Variants in HDAC9 observed in about 807,000 individuals in gnomAD.
HDAC9 encodes the protein histone deacetylase 9.
A neutral mutation model predicts 139.4 loss-of-function variants in HDAC9; 41 were observed. That is an observed-to-expected ratio of 0.29 (90% CI 0.23 to 0.38). The LOEUF (loss-of-function observed/expected upper bound fraction) is 0.38, where lower values mean the gene tolerates loss of function less well. Among genes scored for constraint, HDAC9 ranks in the 10% least tolerant of loss-of-function variants. The probability of loss-of-function intolerance (pLI) is 1.00; values close to 1 mark genes in which losing one functional copy is unlikely to be tolerated. For missense variants in HDAC9, 1,147 were observed against 1,297.0 expected (o/e 0.88, Z 1.78); for synonymous variants, 517 against 476.2 (o/e 1.09, Z -1.12).
At chr7:18,436,426 A>G (rs1382610237) in intron 1 of HDAC9, among the ~76,000 whole-genome samples, 2 of 152,166 alleles carry the variant, frequency 1.3e-5, no homozygotes, top group African/African-American at 4.8e-5. Flanking sequence ...AGATTTCCCA[A>G]TTTCATTCAG....
intron 1 of HDAC9, among the ~76,000 whole-genome samples, chr7:18,097,890 C>T (rs1782610586): frequency 6.6e-6 from 1 of 152,190 alleles, no homozygotes; most frequent in Admixed American, 6.5e-5. Flanking sequence ...ATACCACCAT[C>T]ATCATTTTCA....
chr7:18,366,162 T>C (rs1381009476), intron 1 of HDAC9, among the ~76,000 whole-genome samples: 1 of 152,062 alleles, frequency 6.6e-6, no homozygotes, highest in Non-Finnish European at 1.5e-5. Context: ...ATGTATTATA[T>C]AGAGATAAGG....
chr7:18,811,177 T>C (rs568524675), intron 17 of HDAC9, among the ~76,000 whole-genome samples: 8 of 152,006 alleles, frequency 5.3e-5, no homozygotes, highest in African/African-American at 1.7e-4. Flanking sequence ...GGTTTATCAA[T>C]TTTATTGATC....
chr7:18,200,813 T>C (rs1326750178), intron 2 of HDAC9, among the ~76,000 whole-genome samples: 1 of 152,202 alleles, frequency 6.6e-6, no homozygotes, highest in African/African-American at 2.4e-5. Context: ...TTTTCCCTCC[T>C]CAGCAGTTTC....
At chr7:18,821,013 G>A (rs1794925713) in intron 17 of HDAC9, among the ~76,000 whole-genome samples, 2 of 152,164 alleles carry the variant, frequency 1.3e-5, no homozygotes, top group African/African-American at 2.4e-5. Flanking sequence ...CAAGATCAAG[G>A]TGCCAGCAGA....
chr7:18,960,547 C>G lies in HDAC9; in HGVS notation c.3022+6317C>G, dbSNP rs2129328342. 1.3e-5 allele frequency among the ~76,000 whole-genome samples: 2 copies of G among 151,968 alleles called. 1 individual carries two copies. Among genetic ancestry groups the G allele is most frequent in the Non-Finnish European group, 2.9e-5 (2 of 67,994 alleles). On this transcript the variant is annotated intron_variant, in intron 24 of 25. Transcript: ENST00000686413. ...TTGATTTTACTTTTTATTATATTTC[C>G]AATGGGAGATAACTCATAGGTAAAA...
chr7:18,607,620 A>G lies in HDAC9; in HGVS notation c.664+13591A>G, dbSNP rs144824820. 9.2e-4 allele frequency among the ~76,000 whole-genome samples: 140 copies of G among 152,306 alleles called. 1 individual carries two copies. The highest frequency in any genetic ancestry group is 1.5e-3 in the Non-Finnish European group (104 of 67,994). On this transcript the variant is annotated intron_variant, in intron 6 of 25. Transcript: ENST00000686413. ...AGCCATATAATGTAATTATTGAAGA[A>G]CTAGAATGGCAAAAGGAGACTTAAG...
At chr7:18,789,648 T>C (rs1792133409) in intron 16 of HDAC9, among the ~76,000 whole-genome samples, 1 of 152,148 alleles carries the variant, frequency 6.6e-6, no homozygotes, top group South Asian at 2.1e-4. Flanking sequence ...CCTGTCTTCT[T>C]ATAGTTCCAA....
Position 18,714,438 on chromosome 7 carries a change from A to T in HDAC9, c.1732-13142A>T, listed in dbSNP as rs893195960. On this transcript the variant is annotated intron_variant, in intron 12 of 25. Coordinates refer to ENST00000686413, the MANE Select transcript of HDAC9 (RefSeq NM_178425.4). ...CAGCCTCCTTAGATAGGGTGCAAGT[A>T]CTGCATGGCCTCCACAATTCTATTC... Among the ~76,000 whole-genome samples the T allele has an allele frequency of 1.6e-4, 25 of 152,138 alleles. 1 individual carries two copies. The highest frequency in any genetic ancestry group is 6.3e-3 in the Middle Eastern group (2 of 316).
At chr7:18,799,746 G>A (rs1158165498) in intron 17 of HDAC9, among the ~76,000 whole-genome samples, 1 of 151,852 alleles carries the variant, frequency 6.6e-6, no homozygotes, top group Non-Finnish European at 1.5e-5. Flanking sequence ...AGAGAATGAA[G>A]AAAAATGAAC....
intron 17 of HDAC9, among the ~76,000 whole-genome samples, chr7:18,813,072 A>G (rs1400147839): frequency 2.0e-5 from 3 of 152,058 alleles, no homozygotes; most frequent in Non-Finnish European, 2.9e-5. Context: ...ATTGTTTGAC[A>G]TGCTTATAAT....
rs1305615216 is a variant in HDAC9 at position 19,002,063 on chromosome 7, T to TG, written c.*6003dup. 6.6e-6 allele frequency: 1 copy of TG among 152,130 alleles called. No individual in the cohort carries two copies. Among genetic ancestry groups the TG allele is most frequent in the Non-Finnish European group, 1.5e-5 (1 of 67,954 alleles). 9.4% of individuals were successfully genotyped at this position (152,130 alleles called of 1,614,324 possible). Reference sequence around the variant, plus strand: ...CAGTGGTTTTGCCCTTAATTTTTTTTGGCTAGCATCACCAAGATCTGTCAT... The same window carrying TG: ...CAGTGGTTTTGCCCTTAATTTTTTTTGGGCTAGCATCACCAAGATCTGTCAT... On this transcript the variant is annotated 3_prime_UTR_variant, in exon 26 of 26. Coordinates refer to ENST00000686413, the MANE Select transcript of HDAC9 (RefSeq NM_178425.4).
chr7:18,200,867 G>T (rs950737312), intron 2 of HDAC9, among the ~76,000 whole-genome samples: 4 of 152,128 alleles, frequency 2.6e-5, no homozygotes, highest in African/African-American at 9.7e-5. Context: ...TTCTTAAAGT[G>T]AGATGGCTCT....
At position 18,848,759 on chromosome 7, in the gene HDAC9, A is replaced by T. The variant is rs180796570; in HGVS notation, c.2684+12762A>T. 3.0e-4 allele frequency among the ~76,000 whole-genome samples: 45 copies of T among 152,268 alleles called. No individual in the cohort carries two copies. The East Asian group carries it at 8.7e-3, about 29-fold the overall frequency. ...CCAAGCAACCCACTAATGGACTTAAATTACCAAAAAAAGTATCTTCCAAAC... is the reference window on the plus strand; with the variant it reads ...CCAAGCAACCCACTAATGGACTTAATTTACCAAAAAAAGTATCTTCCAAAC... On this transcript the variant is annotated intron_variant, in intron 21 of 25. Transcript: ENST00000686413.
At chr7:18,210,127 G>T (rs141720779) in intron 2 of HDAC9, among the ~76,000 whole-genome samples, 1 of 152,092 alleles carries the variant, frequency 6.6e-6, no homozygotes, top group Non-Finnish European at 1.5e-5. Context: ...AGCACAGTAG[G>T]AATTCTTTAA....
At chr7:18,859,302 A>G (rs770030711) in intron 21 of HDAC9, among the ~76,000 whole-genome samples, 3 of 152,018 alleles carry the variant, frequency 2.0e-5, no homozygotes, top group Non-Finnish European at 2.9e-5. Context: ...AACATAAACT[A>G]TTTTTTTAGT....
chr7:18,386,870 G>A (rs998137376), intron 1 of HDAC9, among the ~76,000 whole-genome samples: 1 of 152,158 alleles, frequency 6.6e-6, no homozygotes, highest in African/African-American at 2.4e-5. Flanking sequence ...ACACCACATG[G>A]CCAAATTCAT....
chr7:18,681,421 T>C (rs563828274), intron 12 of HDAC9, among the ~76,000 whole-genome samples: 33 of 152,070 alleles, frequency 2.2e-4, no homozygotes, highest in Middle Eastern at 3.4e-3. Context: ...TTTTAAAAAT[T>C]ATCTTTAACA....
chr7:18,265,220 T>C (rs1795920599), intron 2 of HDAC9, among the ~76,000 whole-genome samples: 1 of 152,220 alleles, frequency 6.6e-6, no homozygotes, highest in Non-Finnish European at 1.5e-5. Context: ...GACAAATCAA[T>C]ATTGAGTGTT....
Sources: gnomAD v4.1 joint callset for allele counts (sites outside exome capture counted in the v4.1 genomes callset) on GRCh38, gnomAD v4.1.1 for gene constraint, MANE v1.5 for transcripts, NCBI Gene and HGNC (gene_info 2026-07-23, HGNC 2026-07-21) for gene names.